Variants in EZR observed in about 807,000 individuals in gnomAD.
EZR encodes ezrin, also known as cytovillin 2.
Under a neutral mutation model 74.8 loss-of-function variants are expected in EZR, and 40 were observed. The ratio of observed to expected loss-of-function variants is 0.53; its 90% CI spans 0.42 to 0.70. The LOEUF is 0.70. Ranked by LOEUF, EZR falls within the 30% of genes least tolerant of loss-of-function variation. The pLI is 0.00. For synonymous variants in EZR, 341 were observed against 283.3 expected (o/e 1.20, Z -2.05); for missense variants, 678 against 755.8 (o/e 0.90, Z 1.21).
chr6:158,810,560 A>G (rs1303857306), intron 2 of EZR, among the ~76,000 whole-genome samples: 2 of 152,192 alleles, frequency 1.3e-5, no homozygotes, highest in Non-Finnish European at 2.9e-5. Flanking sequence ...GCTTCAAAAC[A>G]TGAAGGTGGT....
At position 158,779,019 on chromosome 6, in the gene EZR, C is replaced by T. The variant is rs143333359; in HGVS notation, c.699-2515G>A. On this transcript the variant is annotated intron_variant, in intron 7 of 13. Coordinates refer to ENST00000367075, the MANE Select transcript of EZR (RefSeq NM_001111077.2). ...CTACATAGTTTAAAATTATCTCCCCCAAATATACTGACCAATTGTAAAGGG... is the reference window on the plus strand; with the variant it reads ...CTACATAGTTTAAAATTATCTCCCCTAAATATACTGACCAATTGTAAAGGG... Among the ~76,000 whole-genome samples, 109 of 152,228 alleles carry T rather than the reference C, an allele frequency of 7.2e-4. 1 individual carries two copies. The highest frequency in any genetic ancestry group is 2.6e-3 in the African/African-American group (107 of 41,530).
At chr6:158,784,467 C>A (rs1179274144) in intron 6 of EZR, among the ~76,000 whole-genome samples, 177 bp downstream of exon 6, 1 of 152,180 alleles carries the variant, frequency 6.6e-6, no homozygotes, top group African/African-American at 2.4e-5. Context: ...GGCAAGACAC[C>A]TGGCTTTGTT....
At chr6:158,809,003 T>C (rs1045331220) in intron 2 of EZR, among the ~76,000 whole-genome samples, 1 of 152,206 alleles carries the variant, frequency 6.6e-6, no homozygotes, top group African/African-American at 2.4e-5. Context: ...GGTGTGGTAG[T>C]GAGCGCCTGC....
intron 8 of EZR, 102 bp from the exon 9 acceptor site, chr6:158,771,509 T>C (rs1791107967): frequency 7.8e-7 from 1 of 1,286,270 alleles, no homozygotes; most frequent in Non-Finnish European, 1.1e-6. Context: ...AAAGAACAAA[T>C]GTAGCAGAAC....
intron 2 of EZR, among the ~76,000 whole-genome samples, chr6:158,803,042 T>C (rs542991912): frequency 6.6e-6 from 1 of 152,030 alleles, no homozygotes; most frequent in African/African-American, 2.4e-5. Context: ...TACATGCCAC[T>C]CACACCTCCT....
At chr6:158,808,186 A>G (rs1298269661) in intron 2 of EZR, among the ~76,000 whole-genome samples, 5 of 152,294 alleles carry the variant, frequency 3.3e-5, no homozygotes, top group East Asian at 3.9e-4. Context: ...CCCTGAAATC[A>G]ATTCCTTATC....
rs979854027 is a variant in EZR at position 158,795,894 on chromosome 6, G to A, written c.13-6523C>T. 3.2e-4 allele frequency among the ~76,000 whole-genome samples: 49 copies of A among 152,188 alleles called. 2 individuals are homozygous for A. Among genetic ancestry groups the A allele is most frequent in the Non-Finnish European group, 2.9e-5 (2 of 68,038 alleles). On this transcript the variant is annotated intron_variant, in intron 2 of 13. Coordinates refer to ENST00000367075, the MANE Select transcript of EZR (RefSeq NM_001111077.2). ...TTGAGAGCTAGCTCTGTAATCTGAG[G>A]ACCCCTAGCTGATGACTTCCTGCCA...
At position 158,776,504 on chromosome 6, in the gene EZR, C is replaced by T; in HGVS notation, c.699G>A (p.Lys233=). 1 of 1,608,308 alleles carries T rather than the reference C, an allele frequency of 6.2e-7. No homozygotes were observed. Among genetic ancestry groups the T allele is most frequent in the South Asian group, 1.1e-5 (1 of 90,254 alleles). ...LGLNIYEKDD[K]LTPKIGFPWS... is the part of the protein sequence containing the mutation. ...AAGGAAAGCCAATCTTTGGGGTTAA[C>T]CTGAGGTTAAAAAGAAGAAGTGGAT... is the stretch of plus-strand genomic sequence containing the variant. Residue 233 remains lysine, a splice_region_variant and synonymous_variant, in exon 8 of 14, where the codon AAG becomes AAA. Transcript: ENST00000367075.
At chr6:158,786,910 A>G (rs1240934597) in intron 4 of EZR, among the ~76,000 whole-genome samples, 198 bp downstream of exon 4, 1 of 152,242 alleles carries the variant, frequency 6.6e-6, no homozygotes, top group African/African-American at 2.4e-5. Context: ...ATGAGTGAGC[A>G]CTATGGAGAA....
At chr6:158,774,055 T>C (rs1213391649) in intron 8 of EZR, among the ~76,000 whole-genome samples, 1 of 152,188 alleles carries the variant, frequency 6.6e-6, no homozygotes, top group Non-Finnish European at 1.5e-5. Context: ...ATTTGTGAGT[T>C]CACAGCAGAA....
intron 4 of EZR, among the ~76,000 whole-genome samples, chr6:158,786,667 A>T (rs1447532073): frequency 6.6e-6 from 1 of 152,052 alleles, no homozygotes; most frequent in Admixed American, 6.6e-5. Flanking sequence ...CAAAAAAAAA[A>T]AAAAGGATAA....
rs2128564126 is a variant in EZR, at chr6:158,769,332, C to T, written c.1338G>A (p.Gln446=). Residue 446 remains glutamine (Q), a synonymous_variant, in exon 12 of 14, where the codon CAG becomes CAA. Transcript: ENST00000367075. ...GTCCCCCGTGCAGACTCACCCTGTG[C>T]TGCCACTCTTCAACTTCATCCTCCT... is the stretch of plus-strand genomic sequence containing the variant. ...RRKEDEVEEW[Q]HRAKEAQDDL... The T allele has an allele frequency of 6.2e-7, 1 of 1,609,436 alleles. No individual in the cohort carries two copies. The highest frequency in any genetic ancestry group is 8.5e-7 in the Non-Finnish European group (1 of 1,179,954).
At chr6:158,772,148 C>T (rs1164684329) in intron 8 of EZR, among the ~76,000 whole-genome samples, 1 of 152,274 alleles carries the variant, frequency 6.6e-6, no homozygotes, top group Non-Finnish European at 1.5e-5. Flanking sequence ...ACTGTCACTT[C>T]ACTCCAGTGA....
At chr6:158,810,475 C>T (rs1214864967) in intron 2 of EZR, among the ~76,000 whole-genome samples, 2 of 152,190 alleles carry the variant, frequency 1.3e-5, no homozygotes, top group Admixed American at 1.3e-4. Flanking sequence ...CACTAGGAGA[C>T]TGAGAACTCC....
At chr6:158,772,132 A>G (rs1481364456) in intron 8 of EZR, among the ~76,000 whole-genome samples, 1 of 152,232 alleles carries the variant, frequency 6.6e-6, no homozygotes, top group African/African-American at 2.4e-5. Context: ...TACTCGCCGC[A>G]GTGGCACTGT....
chr6:158,815,363 A>G (rs1054159511), intron 2 of EZR, among the ~76,000 whole-genome samples: 2 of 152,198 alleles, frequency 1.3e-5, no homozygotes, highest in African/African-American at 4.8e-5. Context: ...TACACACAGA[A>G]AGGCTTAGTG....
chr6:158,787,284 T>A, intron 3 of EZR, 81 bp from the exon 4 acceptor site: 1 of 1,186,836 alleles, frequency 8.4e-7, no homozygotes, highest in Non-Finnish European at 1.2e-6. Flanking sequence ...GTTCATCACA[T>A]GGTCTAGCAG....
chr6:158,804,459 G>A (rs1583584202), intron 2 of EZR, among the ~76,000 whole-genome samples: 1 of 152,276 alleles, frequency 6.6e-6, no homozygotes, highest in South Asian at 2.1e-4. Flanking sequence ...TATACCATGT[G>A]ATTTCAGTTT....
At chr6:158,785,717 T>A (rs1791562467) in intron 4 of EZR, 134 bp from the exon 5 acceptor site, 1 of 1,143,148 alleles carries the variant, frequency 8.7e-7, no homozygotes, top group African/African-American at 1.6e-5. Flanking sequence ...TAAAGTCATC[T>A]TTTTAGCACT....
Sources: allele counts gnomAD v4.1 joint callset (sites outside exome capture counted in the v4.1 genomes callset), GRCh38; gene constraint gnomAD v4.1.1; transcripts MANE v1.5; gene names NCBI Gene and HGNC (gene_info 2026-07-23, HGNC 2026-07-21).